THADA: variants seen among roughly 807,000 people sequenced by gnomAD.
The protein encoded by THADA is THADA armadillo repeat containing, also known as tRNA (32-2'-O)-methyltransferase regulator THADA.
In THADA, 213 loss-of-function variants were observed where a neutral mutation model predicts 219.8. The ratio of observed to expected loss-of-function variants is 0.97; its 90% CI spans 0.87 to 1.09. The LOEUF is 1.09. THADA is among the 50% of genes least tolerant of loss of function. THADA has a pLI of 0.00. For synonymous variants in THADA, 1,018 were observed against 828.9 expected (o/e 1.23, Z -3.92); for missense variants, 2,956 against 2,311.3 (o/e 1.28, Z -5.72).
At chr2:43,501,368 AAAT>A (rs1173112045) in intron 24 of THADA, among the ~76,000 whole-genome samples, 3 of 150,492 alleles carry the variant, frequency 2.0e-5, no homozygotes, top group African/African-American at 7.3e-5. Context: ...TTAGTTTAAA[AAAT>A]AATAAATGAC....
At position 43,541,316 on chromosome 2, in the gene THADA, C is replaced by T; in HGVS notation, c.3107G>A (p.Gly1036Asp). The change falls in exon 21 of 38, where the codon GGT becomes GAT. Residue 1036 changes from glycine (G) to aspartate (D), a missense_variant and splice_region_variant. Gly to Asp is a moderately conservative substitution (Grantham distance 94). Transcript: ENST00000405975. ...TACATCACATGTTTTTACTTCTTTACCTTAAACAAAAAAAAACACAACGAT... is the reference window on the plus strand; with the variant it reads ...TACATCACATGTTTTTACTTCTTTATCTTAAACAAAAAAAAACACAACGAT... ...VNIDTSTEIK[G>D]KEVKTCDVTA... 3 of 1,612,152 alleles carry T rather than the reference C, an allele frequency of 1.9e-6. No individual in the cohort carries two copies. Among genetic ancestry groups the T allele is most frequent in the Non-Finnish European group, 2.5e-6 (3 of 1,179,198 alleles).
chr2:43,321,416 A>G (rs1015613827), intron 30 of THADA, among the ~76,000 whole-genome samples: 3 of 152,212 alleles, frequency 2.0e-5, no homozygotes, highest in Admixed American at 1.3e-4. Context: ...TGCCCCTGCT[A>G]AAATTCATGT....
At chr2:43,272,024 T>C (rs914221607) in intron 36 of THADA, among the ~76,000 whole-genome samples, 2 of 152,144 alleles carry the variant, frequency 1.3e-5, no homozygotes, top group Admixed American at 6.5e-5. Context: ...GTGGTTACTG[T>C]AGTCTGAGAG....
chr2:43,407,372 A>T (rs1188414679), intron 28 of THADA, among the ~76,000 whole-genome samples: 1 of 152,202 alleles, frequency 6.6e-6, no homozygotes, highest in African/African-American at 2.4e-5. Context: ...GACATTAAAA[A>T]ACTTTTTTTT....
At chr2:43,263,315 T>G (rs1671168874) in intron 36 of THADA, among the ~76,000 whole-genome samples, 1 of 151,398 alleles carries the variant, frequency 6.6e-6, no homozygotes, top group African/African-American at 2.4e-5. Context: ...ACTTTCTCCT[T>G]CAGCCTACCC....
At chr2:43,269,355 C>T (rs55944066) in intron 36 of THADA, among the ~76,000 whole-genome samples, 3,956 of 152,344 alleles carry the variant, frequency 0.026, 90 homozygotes, top group Admixed American at 0.083. Flanking sequence ...GTTGTTGTCT[C>T]TCTGGGGATT....
intron 3 of THADA, among the ~76,000 whole-genome samples, 160 bp downstream of exon 3, chr2:43,591,792 C>G (rs1389205439): frequency 1.3e-5 from 2 of 148,558 alleles, no homozygotes; most frequent in African/African-American, 5.1e-5. Flanking sequence ...GCTTTGAATA[C>G]AAGGATATTA....
intron 28 of THADA, among the ~76,000 whole-genome samples, chr2:43,400,727 A>G (rs1558700650): frequency 6.6e-6 from 1 of 152,010 alleles, no homozygotes; most frequent in Non-Finnish European, 1.5e-5. Context: ...GATGTCTAAG[A>G]GAACACTCCA....
chr2:43,280,203 T>G (rs79597529), intron 35 of THADA, among the ~76,000 whole-genome samples: 4 of 152,202 alleles, frequency 2.6e-5, no homozygotes, highest in Non-Finnish European at 5.9e-5. Flanking sequence ...GCTCTCCTAG[T>G]TGAGTCCTGA....
In THADA at chr2:43,428,120, A is replaced by G. The variant is rs1678730127; in HGVS notation, c.4038T>C (p.Pro1346=). 5.6e-6 allele frequency: 9 copies of G among 1,608,742 alleles called. No individual in the cohort carries two copies. The highest frequency in any genetic ancestry group is 7.6e-6 in the Non-Finnish European group (9 of 1,176,928). ...DGTSSALSMG[P]FVPFIMRCGH... is the part of the protein sequence containing the mutation. ...ACTACCTCATAATGAAGGGAACAAA[A>G]GGTCCCATGCTGAGAGCAGAAGAAG... Residue 1346 remains proline (P), a synonymous_variant, in exon 28 of 38, where the codon CCT becomes CCC. Transcript: ENST00000405975.
chr2:43,377,610 G>C (rs185230814), intron 29 of THADA, among the ~76,000 whole-genome samples: 12 of 152,264 alleles, frequency 7.9e-5, no homozygotes, highest in African/African-American at 2.9e-4. Flanking sequence ...TCGGGGATAT[G>C]GCAAAGAATC....
At chr2:43,527,724 C>A (rs1350010416) in intron 22 of THADA, among the ~76,000 whole-genome samples, 155 bp downstream of exon 22, 1 of 152,128 alleles carries the variant, frequency 6.6e-6, no homozygotes, top group African/African-American at 2.4e-5. Context: ...GTAAATCATA[C>A]AATGAAACCT....
intron 26 of THADA, among the ~76,000 whole-genome samples, chr2:43,478,162 A>G (rs1419308763): frequency 6.6e-6 from 1 of 152,224 alleles, no homozygotes; most frequent in African/African-American, 2.4e-5. Flanking sequence ...CAGGATGCCA[A>G]GGTCCATAAG....
At chr2:43,497,496 T>C (rs1558857880) in intron 25 of THADA, among the ~76,000 whole-genome samples, 1 of 151,964 alleles carries the variant, frequency 6.6e-6, no homozygotes, top group Non-Finnish European at 1.5e-5. Context: ...TGAGAACACA[T>C]AGACACAGAA....
At chr2:43,513,898 T>C (rs1273978801) in intron 22 of THADA, among the ~76,000 whole-genome samples, 1 of 151,980 alleles carries the variant, frequency 6.6e-6, no homozygotes, top group African/African-American at 2.4e-5. Context: ...GAATAACTTC[T>C]ATTTAAGAAG....
At chr2:43,256,026 G>C (rs1381732979) in intron 36 of THADA, among the ~76,000 whole-genome samples, 1 of 152,164 alleles carries the variant, frequency 6.6e-6, no homozygotes, top group Non-Finnish European at 1.5e-5. Context: ...TGAAACATTT[G>C]CTGAAATGTC....
intron 29 of THADA, among the ~76,000 whole-genome samples, chr2:43,359,372 T>C (rs1669233488): frequency 6.6e-6 from 1 of 152,216 alleles, no homozygotes; most frequent in Non-Finnish European, 1.5e-5. Flanking sequence ...CTCGGATCCC[T>C]GAGAGTCATC....
At chr2:43,350,276 A>G (rs1377802267) in intron 29 of THADA, among the ~76,000 whole-genome samples, 1 of 152,214 alleles carries the variant, frequency 6.6e-6, no homozygotes, top group Non-Finnish European at 1.5e-5. Context: ...TGACTGAGGG[A>G]GGAATCTAAA....
Position 43,325,863 on chromosome 2 carries a change from G to A in THADA, c.4344-5323C>T, listed in dbSNP as rs193078141. The stretch of plus-strand genomic sequence containing the variant: ...CAAGTTTAAGTAAAATAATTGACTG[G>A]TCTAGCTTTTTTCTTTTTCTTTTCC... On this transcript the variant is annotated intron_variant, in intron 30 of 37. Coordinates refer to ENST00000405975, the MANE Select transcript of THADA (RefSeq NM_022065.5). Among the ~76,000 whole-genome samples the A allele has an allele frequency of 9.2e-5, 14 of 152,188 alleles. No homozygotes were observed. In the East Asian group the frequency reaches 2.7e-3, roughly 29 times the overall value.
Sources: allele counts gnomAD v4.1 joint callset (sites outside exome capture counted in the v4.1 genomes callset), GRCh38; gene constraint gnomAD v4.1.1; transcripts MANE v1.5; gene names NCBI Gene and HGNC (gene_info 2026-07-23, HGNC 2026-07-21).